Variants in SASH1 observed in about 807,000 individuals in gnomAD.
The protein encoded by SASH1 is SAM and SH3 domain-containing protein 1.
A neutral mutation model predicts 125.2 loss-of-function variants in SASH1; 44 were observed. The observed-to-expected ratio is 0.35, with a 90% CI of 0.28 to 0.45. SASH1 has a LOEUF of 0.45. SASH1 is among the 20% of genes least tolerant of loss of function. The pLI, the probability that SASH1 is intolerant of heterozygous loss-of-function variation, is 1.00. For missense variants in SASH1, 1,426 were observed against 1,614.5 expected, an observed-to-expected ratio of 0.88 and a Z score of 2.00; for synonymous variants, 639 against 649.1, an observed-to-expected ratio of 0.98 and a Z score of 0.24.
chr6:148,306,341 G>A (rs1380840390), intron 1 of SASH1, among the ~76,000 whole-genome samples: 1 of 152,148 alleles, frequency 6.6e-6, no homozygotes, highest in Admixed American at 6.5e-5. Flanking sequence ...AGATCTGAGG[G>A]GAAGATGGAA....
intron 1 of SASH1, among the ~76,000 whole-genome samples, chr6:148,316,411 T>C (rs886930149): frequency 6.6e-6 from 1 of 152,180 alleles, no homozygotes; most frequent in Non-Finnish European, 1.5e-5. Flanking sequence ...ATGATGATAA[T>C]AGCACAAATA....
chr6:148,200,782 G>A, the SASH1 span, among the ~76,000 whole-genome samples: 1 of 152,326 alleles, frequency 6.6e-6, no homozygotes, highest in East Asian at 1.9e-4. Context: ...TTGAAGGACA[G>A]ACATAGAAGA....
chr6:148,442,186 A>C (rs1776572367), intron 4 of SASH1, among the ~76,000 whole-genome samples: 1 of 152,064 alleles, frequency 6.6e-6, no homozygotes, highest in Admixed American at 6.6e-5. Context: ...AAGGAGTTTG[A>C]GATCAGCCTG....
intron 1 of SASH1, among the ~76,000 whole-genome samples, chr6:148,285,625 A>C (rs1779462601): frequency 2.0e-5 from 3 of 152,134 alleles, no homozygotes; most frequent in South Asian, 2.1e-4. Flanking sequence ...GACATTGATC[A>C]GATCTTTAAG....
intron 1 of SASH1, among the ~76,000 whole-genome samples, chr6:148,288,162 CAG>C (rs34216912): frequency 0.23 from 34,745 of 152,130 alleles, 4,378 homozygotes; most frequent in Non-Finnish European, 0.27. Context: ...CCCCAGCTGT[CAG>C]AGAGTTTCCC....
the SASH1 span, among the ~76,000 whole-genome samples, chr6:148,218,734 C>T: frequency 4.6e-5 from 7 of 152,280 alleles, no homozygotes; most frequent in African/African-American, 1.2e-4. Flanking sequence ...TTGTAGGTCA[C>T]GCAGTCAGAG....
the SASH1 span, among the ~76,000 whole-genome samples, chr6:148,206,962 A>G: frequency 0.062 from 9,493 of 152,232 alleles, 338 homozygotes; most frequent in Middle Eastern, 0.13. Flanking sequence ...GTCAATCCCT[A>G]GCACAAATGT....
At position 148,519,934 on chromosome 6, in the gene SASH1, G is replaced by T. The variant is rs372348028; in HGVS notation, c.1209+41G>T. ...GTTTGCTTCTATGACAACCACCGTC[G>T]CAGGCACCACCTTCTGGTGTCCCTG... is the stretch of plus-strand genomic sequence containing the variant. On this transcript the variant is annotated intron_variant, in intron 10 of 19. Coordinates refer to ENST00000367467, the MANE Select transcript of SASH1 (RefSeq NM_015278.5). The surrounding 1 kb of genome is among the most constrained non-coding windows in gnomAD (Gnocchi z 4.8). 5 of 1,386,702 alleles carry T rather than the reference G, an allele frequency of 3.6e-6. No homozygotes were observed. The highest frequency in any genetic ancestry group is 2.2e-5 in the Admixed American group (1 of 45,766). The allele number at this position is 1,386,702 out of a possible 1,614,324, so 85.9% of individuals were successfully genotyped here. A position where few individuals can be genotyped will look rare whatever the true frequency, so the allele number is the denominator to read the frequency against.
chr6:148,210,231 A>G, the SASH1 span, among the ~76,000 whole-genome samples: 1 of 152,210 alleles, frequency 6.6e-6, no homozygotes, highest in Non-Finnish European at 1.5e-5. Context: ...ATTAATTGAA[A>G]ATGCTGCAAA....
At chr6:148,254,335 CA>C in the SASH1 span, among the ~76,000 whole-genome samples, 1 of 151,616 alleles carries the variant, frequency 6.6e-6, no homozygotes, top group South Asian at 2.1e-4. Flanking sequence ...AATAATAAGA[CA>C]AGGTAAAAAT....
At chr6:148,503,760 TAA>T (rs11385703) in intron 8 of SASH1, among the ~76,000 whole-genome samples, 81 of 145,408 alleles carry the variant, frequency 5.6e-4, no homozygotes, top group Non-Finnish European at 5.4e-4. Flanking sequence ...CCCTTTCTTG[TAA>T]AAAAAAAAAA....
intron 9 of SASH1, among the ~76,000 whole-genome samples, chr6:148,515,109 C>T (rs989918101): frequency 5.9e-5 from 9 of 152,216 alleles, no homozygotes; most frequent in Non-Finnish European, 1.2e-4. Flanking sequence ...GTTCAAATCT[C>T]AACCTTATTC....
intron 1 of SASH1, among the ~76,000 whole-genome samples, chr6:148,380,622 C>G (rs933521737): frequency 6.6e-6 from 1 of 152,202 alleles, no homozygotes; most frequent in Non-Finnish European, 1.5e-5. Flanking sequence ...TCTGCTAAAT[C>G]CAAATGTCCA....
At chr6:148,259,495 G>T in the SASH1 span, among the ~76,000 whole-genome samples, 1 of 152,126 alleles carries the variant, frequency 6.6e-6, no homozygotes. Context: ...TGTTGAAGGC[G>T]CCACGAAGAG....
At chr6:148,348,246 G>A (rs528232673) in intron 1 of SASH1, among the ~76,000 whole-genome samples, 23 of 152,096 alleles carry the variant, frequency 1.5e-4, no homozygotes, top group African/African-American at 5.3e-4. Context: ...CACCCACCTC[G>A]GTCTCCCAAA....
chr6:148,522,923 T>G (rs1251306122), intron 10 of SASH1, among the ~76,000 whole-genome samples: 1 of 152,258 alleles, frequency 6.6e-6, no homozygotes, highest in Non-Finnish European at 1.5e-5. Flanking sequence ...AAGCAATCTT[T>G]ATTGTTATAT....
chr6:148,267,587 C>G (rs545668928), upstream of SASH1, among the ~76,000 whole-genome samples: 1 of 152,148 alleles, frequency 6.6e-6, no homozygotes, highest in East Asian at 1.9e-4. Flanking sequence ...ACCGTGTTAG[C>G]CAGGATGGTC....
At chr6:148,433,435 C>G (rs1264897151) in intron 2 of SASH1, among the ~76,000 whole-genome samples, 1 of 131,450 alleles carries the variant, frequency 7.6e-6, no homozygotes, top group Non-Finnish European at 1.6e-5. Context: ...GAGACGGAGT[C>G]TCTCTTTGTC....
rs1461373177 is a variant in SASH1, at chr6:148,544,201, C to T, written c.2731C>T (p.Leu911=). Residue 911 remains leucine, a synonymous_variant, in exon 18 of 20, where the codon CTG becomes TTG. Transcript: ENST00000367467. The surrounding 1 kb of genome is among the most constrained non-coding windows in gnomAD (Gnocchi z 6.4). The stretch of plus-strand genomic sequence containing the variant: ...ACCTCAGAAATTGACAACTAAGAAA[C>T]TGGAGGGCTCAATCGCAGCCTCTGG... ...SEPQKLTTKK[L]EGSIAASGRG... 1 of 1,614,166 alleles carries T rather than the reference C, an allele frequency of 6.2e-7. No individual in the cohort carries two copies. The highest frequency in any genetic ancestry group is 8.5e-7 in the Non-Finnish European group (1 of 1,180,042).
Sources: gnomAD v4.1 joint callset for allele counts (sites outside exome capture counted in the v4.1 genomes callset) on GRCh38, gnomAD v4.1.1 for gene constraint, Gnocchi (gnomAD v3.1) non-coding constraint, MANE v1.5 for transcripts, NCBI Gene and HGNC (gene_info 2026-07-23, HGNC 2026-07-21) for gene names.